The following UGT1A3 variants were observed in gnomAD, a reference collection of about 807,000 sequenced individuals.
The protein encoded by UGT1A3 is UDP glucuronosyltransferase family 1 member A3.
A neutral mutation model predicts 41.0 loss-of-function variants in UGT1A3; 31 were observed. The observed-to-expected ratio is 0.76, with a 90% CI of 0.57 to 1.02. The LOEUF is 1.02. Among genes scored for constraint, UGT1A3 ranks in the 50% least tolerant of loss-of-function variants. The pLI is 0.00. For synonymous variants in UGT1A3, 262 were observed against 257.6 expected (o/e 1.02, Z -0.17); for missense variants, 737 against 671.0 (o/e 1.10, Z -1.09).
At chr2:233,767,402 C>T (rs1699387838) in intron 2 of UGT1A3, among the ~76,000 whole-genome samples, 1 of 152,122 alleles carries the variant, frequency 6.6e-6, no homozygotes, top group Non-Finnish European at 1.5e-5. Flanking sequence ...ATCATTTTCT[C>T]TAAGAGACTC....
intron 1 of UGT1A3, chr2:233,738,996 C>T (rs1041933241): frequency 6.6e-6 from 1 of 152,238 alleles, no homozygotes; most frequent in African/African-American, 2.4e-5. Context: ...GACTTGGTGC[C>T]CTGTGTCCCA....
chr2:233,755,285 A>G (rs1468695441), intron 1 of UGT1A3: 11 of 681,694 alleles, frequency 1.6e-5, no homozygotes, highest in Non-Finnish European at 2.3e-6. Context: ...ACTGCCAAAG[A>G]GCCTGCGGGG....
At chr2:233,742,178 A>T (rs1317325763) in intron 1 of UGT1A3, among the ~76,000 whole-genome samples, 1 of 151,940 alleles carries the variant, frequency 6.6e-6, no homozygotes, top group Non-Finnish European at 1.5e-5. Context: ...AGAAATATAG[A>T]GTGTGGAGTG....
Position 233,768,314 on chromosome 2 carries a change from G to GT in UGT1A3, c.1185dup (p.Gly396TrpfsTer2). 1 of 1,614,180 alleles carries GT rather than the reference G, an allele frequency of 6.2e-7. No individual in the cohort carries two copies. Among genetic ancestry groups the GT allele is most frequent in the Non-Finnish European group, 8.5e-7 (1 of 1,180,040 alleles). ...GCGTTCCCATGGTGATGATGCCCTTGTTTGGTGATCAGATGGACAATGCAA... is the reference window on the plus strand; with the variant it reads ...GCGTTCCCATGGTGATGATGCCCTTGTTTTGGTGATCAGATGGACAATGCAA... On this transcript the variant is annotated frameshift_variant, in exon 4 of 5. Transcript: ENST00000482026. LOFTEE classifies it high-confidence loss of function.
chr2:233,735,668 T>C (rs552280878), intron 1 of UGT1A3, among the ~76,000 whole-genome samples: 4 of 152,360 alleles, frequency 2.6e-5, no homozygotes, highest in African/African-American at 4.8e-5. Context: ...TTTCCATGTT[T>C]AGTGCTTCCT....
chr2:233,750,078 A>G (rs1420625358), intron 1 of UGT1A3, among the ~76,000 whole-genome samples: 1 of 151,926 alleles, frequency 6.6e-6, no homozygotes, highest in African/African-American at 2.4e-5. Flanking sequence ...TAACAGGCAG[A>G]GGTTGGAACA....
intron 1 of UGT1A3, chr2:233,747,139 T>C: frequency 6.4e-7 from 1 of 1,552,428 alleles, no homozygotes; most frequent in East Asian, 2.3e-5. Flanking sequence ...AGTGACAAGG[T>C]AATTAAGATG....
At chr2:233,755,474 T>TCTGTGAGGCC (rs1294746621) in intron 1 of UGT1A3, 2 of 236,996 alleles carry the variant, frequency 8.4e-6, no homozygotes, top group African/African-American at 4.6e-5. Context: ...TCTGTGAGGC[T>TCTGTGAGGCC]CTGTGAGGCC....
At chr2:233,741,151 C>T (rs1377389492) in intron 1 of UGT1A3, among the ~76,000 whole-genome samples, 2 of 151,930 alleles carry the variant, frequency 1.3e-5, no homozygotes, top group Admixed American at 6.5e-5. Flanking sequence ...TATGACAGCA[C>T]TAATCCAGGA....
Position 233,729,878 on chromosome 2 carries a change from A to G in UGT1A3, c.752A>G (p.His251Arg). ...GTGTCAGTGGTGGATATTCTCAGTC[A>G]TGCATCTGTGTGGCTGTTCCGAGGG... ...REVSVVDILS[H>R]ASVWLFRGDF... Residue 251 changes from histidine to arginine, a missense_variant, in exon 1 of 5, where the codon CAT becomes CGT. Transcript: ENST00000482026. 1.9e-6 allele frequency: 3 copies of G among 1,613,834 alleles called. No homozygotes were observed. Among genetic ancestry groups the G allele is most frequent in the Non-Finnish European group, 1.7e-6 (2 of 1,179,848 alleles).
chr2:233,734,406 C>A (rs543210294), intron 1 of UGT1A3, among the ~76,000 whole-genome samples: 1 of 152,048 alleles, frequency 6.6e-6, no homozygotes, highest in East Asian at 1.9e-4. Flanking sequence ...CTATTTGATT[C>A]TTCTCTCTTT....
At chr2:233,764,795 T>C (rs148070412) in intron 1 of UGT1A3, among the ~76,000 whole-genome samples, 7 of 152,082 alleles carry the variant, frequency 4.6e-5, no homozygotes, top group Non-Finnish European at 7.4e-5. Flanking sequence ...CCTCAGGGTG[T>C]TCTTGCTACA....
At chr2:233,751,299 A>G (rs528984436) in intron 1 of UGT1A3, among the ~76,000 whole-genome samples, 1 of 152,078 alleles carries the variant, frequency 6.6e-6, no homozygotes, top group South Asian at 2.1e-4. Context: ...TGGAATGGGA[A>G]TATTTACCCA....
At chr2:233,733,369 T>G (rs13410335) in intron 1 of UGT1A3, among the ~76,000 whole-genome samples, 57,553 of 151,946 alleles carry the variant, frequency 0.38, 11,204 homozygotes, top group African/African-American at 0.46. Flanking sequence ...GTGAGAGAGG[T>G]CATCCTTGTT....
At position 233,743,978 on chromosome 2, in the gene UGT1A3, C is replaced by T. The variant is rs900800021; in HGVS notation, c.867+13985C>T. On this transcript the variant is annotated intron_variant, in intron 1 of 4. Transcript: ENST00000482026. ...AGCGAGCGGCAAGGCTGCCAGCACC[C>T]AGGCGCAGGCCCGAGTGCTCGGAGA... The T allele has an allele frequency of 2.3e-6, 3 of 1,306,202 alleles. No individual in the cohort carries two copies. The African/African-American group carries it at 4.6e-5, about 20-fold the overall frequency. 80.9% of individuals were successfully genotyped at this position (1,306,202 alleles called of 1,614,324 possible). A position where few individuals can be genotyped will look rare whatever the true frequency, so the allele number is the denominator to read the frequency against.
chr2:233,747,645 T>G, intron 1 of UGT1A3: 1 of 1,586,272 alleles, frequency 6.3e-7, no homozygotes, highest in Non-Finnish European at 8.7e-7. Context: ...GAATGCTACT[T>G]CCTTCGATGT....
In UGT1A3 at chr2:233,731,687, A is replaced by G. The variant is rs552192672; in HGVS notation, c.867+1694A>G. Among the ~76,000 whole-genome samples, 734 of 152,308 alleles carry G rather than the reference A, an allele frequency of 4.8e-3. 10 individuals carry two copies. Among genetic ancestry groups the G allele is most frequent in the African/African-American group, 0.017 (699 of 41,550 alleles). On this transcript the variant is annotated intron_variant, in intron 1 of 4. Coordinates refer to ENST00000482026, the MANE Select transcript of UGT1A3 (RefSeq NM_019093.4). ...ATTTTCTTAATCCAGTCTATCATTG[A>G]TGGACATTTGGATTGGTTCCAGGTC...
chr2:233,744,157 C>T (rs1692711492), intron 1 of UGT1A3: 1 of 298,558 alleles, frequency 3.3e-6, no homozygotes, highest in Non-Finnish European at 6.5e-6. Flanking sequence ...AGACCAGGCC[C>T]CGCCCACTCC....
At chr2:233,757,339 A>G (rs1013645188) in intron 1 of UGT1A3, among the ~76,000 whole-genome samples, 2 of 151,118 alleles carry the variant, frequency 1.3e-5, no homozygotes, top group African/African-American at 4.9e-5. Context: ...GGACCATGAC[A>G]GCTGGGTCTG....
Sources: gnomAD v4.1 joint callset for allele counts (sites outside exome capture counted in the v4.1 genomes callset) on GRCh38, gnomAD v4.1.1 for gene constraint, MANE v1.5 for transcripts, NCBI Gene and HGNC (gene_info 2026-07-23, HGNC 2026-07-21) for gene names.